Variants in MYRIP observed in about 807,000 individuals in gnomAD.
MYRIP encodes the protein myosin VIIA and Rab interacting protein, also known as rab effector MyRIP.
MYRIP carries 49 observed loss-of-function variants against 98.0 expected under a neutral mutation model. The observed-to-expected ratio is 0.50, with a 90% CI of 0.40 to 0.63. The LOEUF (loss-of-function observed/expected upper bound fraction) is 0.63. Ranked by LOEUF, MYRIP falls within the 30% of genes least tolerant of loss-of-function variation. The pLI is 0.00. For missense variants in MYRIP, 1,004 were observed against 1,058.2 expected, an observed-to-expected ratio of 0.95 and a Z score of 0.71; for synonymous variants, 404 against 409.5, an observed-to-expected ratio of 0.99 and a Z score of 0.16.
chr3:39,929,132 TC>T (rs769095243), intron 2 of MYRIP, among the ~76,000 whole-genome samples: 1 of 151,972 alleles, frequency 6.6e-6, no homozygotes, highest in Non-Finnish European at 1.5e-5. Flanking sequence ...ATAGATTGTA[TC>T]AAATTAAAAT....
intron 2 of MYRIP, among the ~76,000 whole-genome samples, chr3:39,998,272 T>C (rs1436371155): frequency 6.6e-6 from 1 of 152,182 alleles, no homozygotes; most frequent in African/African-American, 2.4e-5. Flanking sequence ...TGATTGTATG[T>C]CTAGGAAACA....
chr3:40,112,597 G>C (rs1949181429), intron 3 of MYRIP, among the ~76,000 whole-genome samples: 2 of 152,310 alleles, frequency 1.3e-5, no homozygotes, highest in South Asian at 2.1e-4. Flanking sequence ...GAGCTCGCAT[G>C]ATCCAAGGTC....
At chr3:40,195,667 C>A (rs999985361) in intron 10 of MYRIP, among the ~76,000 whole-genome samples, 3 of 147,826 alleles carry the variant, frequency 2.0e-5, no homozygotes, top group African/African-American at 7.4e-5. Context: ...ATAATCTTTT[C>A]ATTTGTTGCA....
chr3:39,888,440 A>G (rs1327340390), intron 1 of MYRIP, among the ~76,000 whole-genome samples: 2 of 152,196 alleles, frequency 1.3e-5, no homozygotes, highest in East Asian at 3.9e-4. Flanking sequence ...AGGATTCCCT[A>G]TTTAATAAAT....
In MYRIP at chr3:39,959,497, G is replaced by A. The variant is rs144851726; in HGVS notation, c.110+58571G>A. On this transcript the variant is annotated intron_variant, in intron 2 of 16. Transcript: ENST00000302541. ...ATGAGAACACTTGGACACAGGGTGGGGAACGTCACACATCAGGGCCTGTCA... is the reference window on the plus strand; with the variant it reads ...ATGAGAACACTTGGACACAGGGTGGAGAACGTCACACATCAGGGCCTGTCA... 2.4e-3 allele frequency among the ~76,000 whole-genome samples: 366 copies of A among 152,148 alleles called. 3 individuals are homozygous for A. The highest frequency in any genetic ancestry group is 8.2e-3 in the African/African-American group (341 of 41,504).
Position 40,110,886 on chromosome 3 carries a change from GTGTGTGT to G in MYRIP, c.333-40161_333-40155del, listed in dbSNP as rs1335253639. 7.9e-3 allele frequency among the ~76,000 whole-genome samples: 14 copies of G among 1,768 alleles called. No homozygotes were observed. In the East Asian group the frequency reaches 0.37, roughly 46 times the overall value. The allele number at this position is 1,768 out of a possible 152,430, so 1.2% of individuals were successfully genotyped here. On this transcript the variant is annotated intron_variant, in intron 3 of 16. Transcript: ENST00000302541. The stretch of plus-strand genomic sequence containing the variant: ...TACTCTGCAGTTCATGAAGGGGTGT[GTGTGTGT>G]GTGTGTGTGTGTGTGTGTGTGTGTG...
chr3:39,843,585 A>G (rs1941870897), intron 1 of MYRIP, among the ~76,000 whole-genome samples: 2 of 152,202 alleles, frequency 1.3e-5, no homozygotes, highest in Non-Finnish European at 2.9e-5. Flanking sequence ...AATGCATTCC[A>G]TGGATATGAG....
chr3:39,920,593 C>CT (rs1304518573), intron 2 of MYRIP, among the ~76,000 whole-genome samples: 2 of 152,084 alleles, frequency 1.3e-5, no homozygotes, highest in Non-Finnish European at 2.9e-5. Context: ...GTGGCTTCTG[C>CT]TTTTTTTCTG....
chr3:39,901,775 AT>A (rs1179541253), intron 2 of MYRIP, among the ~76,000 whole-genome samples: 2 of 152,158 alleles, frequency 1.3e-5, no homozygotes, highest in African/African-American at 4.8e-5. Context: ...TCAATTAATT[AT>A]TAATAGATTT....
At chr3:40,045,395 G>A (rs1947650090) in intron 3 of MYRIP, among the ~76,000 whole-genome samples, 1 of 152,166 alleles carries the variant, frequency 6.6e-6, no homozygotes. Context: ...TGCCTGACTT[G>A]GTCAGAGCAA....
intron 3 of MYRIP, among the ~76,000 whole-genome samples, chr3:40,122,103 A>C (rs2125911719): frequency 6.6e-6 from 1 of 152,290 alleles, no homozygotes; most frequent in South Asian, 2.1e-4. Flanking sequence ...AATATTTTCA[A>C]AATTTACTCT....
At chr3:40,030,184 A>G (rs1394540691) in intron 2 of MYRIP, among the ~76,000 whole-genome samples, 1 of 152,072 alleles carries the variant, frequency 6.6e-6, no homozygotes, top group African/African-American at 2.4e-5. Context: ...TGGGCCAAAA[A>G]TTTGAATAAA....
In MYRIP at chr3:40,244,749, T is replaced by C. The variant is rs368534409; in HGVS notation, c.2262+142T>C. 37 of 922,918 alleles carry C rather than the reference T, an allele frequency of 4.0e-5. No homozygotes were observed. The South Asian group carries it at 6.3e-4, about 16-fold the overall frequency. 57.2% of individuals were successfully genotyped at this position (922,918 alleles called of 1,614,324 possible). On this transcript the variant is annotated intron_variant, in intron 13 of 16. Transcript: ENST00000302541. ...TTTGCGTGGATACAGTCCTTCCAGA[T>C]GGATTCCACCAAATTCTCCCTTTAA...
At chr3:40,089,078 G>A (rs992035732) in intron 3 of MYRIP, among the ~76,000 whole-genome samples, 15 of 152,114 alleles carry the variant, frequency 9.9e-5, no homozygotes, top group Admixed American at 3.9e-4. Flanking sequence ...GGCGGCCCCA[G>A]AAAGTAGCAG....
Position 40,070,605 on chromosome 3 carries a change from A to G in MYRIP, c.332+26334A>G, listed in dbSNP as rs552027225. On this transcript the variant is annotated intron_variant, in intron 3 of 16. Coordinates refer to ENST00000302541, the MANE Select transcript of MYRIP (RefSeq NM_015460.4). ...TTCCTAACAAATCAGCGATGGCATT[A>G]GATTCTCATAGGAGCACAAACCCTA... is the stretch of plus-strand genomic sequence containing the variant. Among the ~76,000 whole-genome samples, 3 of 152,300 alleles carry G rather than the reference A, an allele frequency of 2.0e-5. No homozygotes were observed. In the East Asian group the frequency reaches 5.8e-4, roughly 30 times the overall value.
intron 2 of MYRIP, among the ~76,000 whole-genome samples, chr3:39,960,269 C>G (rs915480396): frequency 6.6e-6 from 1 of 152,058 alleles, no homozygotes. Flanking sequence ...TCCCTCTCCC[C>G]CCATTCTTTC....
intron 12 of MYRIP, among the ~76,000 whole-genome samples, 162 bp downstream of exon 12, chr3:40,234,215 C>G (rs1190950586): frequency 6.6e-6 from 1 of 152,122 alleles, no homozygotes; most frequent in Non-Finnish European, 1.5e-5. Flanking sequence ...GTTGGATTCC[C>G]CAGAAGCAGA....
At chr3:40,132,734 G>A (rs1949673314) in intron 3 of MYRIP, among the ~76,000 whole-genome samples, 1 of 152,246 alleles carries the variant, frequency 6.6e-6, no homozygotes, top group African/African-American at 2.4e-5. Context: ...CCCTTTACCA[G>A]CTTTCCTCTA....
chr3:40,133,019 G>A (rs1251373103), intron 3 of MYRIP, among the ~76,000 whole-genome samples: 2 of 152,264 alleles, frequency 1.3e-5, no homozygotes, highest in Non-Finnish European at 1.5e-5. Context: ...GTGATAGACT[G>A]ACATGTGGTC....
Sources: allele counts gnomAD v4.1 joint callset (sites outside exome capture counted in the v4.1 genomes callset), GRCh38; gene constraint gnomAD v4.1.1; transcripts MANE v1.5; gene names NCBI Gene and HGNC (gene_info 2026-07-23, HGNC 2026-07-21).